The following ABCA3 variants were observed in gnomAD, a reference collection of about 807,000 sequenced individuals.
The protein encoded by ABCA3 is phospholipid-transporting ATPase ABCA3.
Under a neutral mutation model 172.8 loss-of-function variants are expected in ABCA3, and 88 were observed. The ratio of observed to expected loss-of-function variants is 0.51; its 90% CI spans 0.43 to 0.61. The LOEUF is 0.61. Ranked by LOEUF, ABCA3 falls within the 20% of genes least tolerant of loss-of-function variation. ABCA3 has a pLI of 0.00. For synonymous variants in ABCA3, 1,066 were observed against 983.8 expected (o/e 1.08, Z -1.56); for missense variants, 2,164 against 2,301.0 (o/e 0.94, Z 1.22).
At position 2,283,603 on chromosome 16, in the gene ABCA3, C is replaced by T. The variant is rs1164805650; in HGVS notation, c.3863-245G>A. ...CATGGCAGACCCAGGGCAGCAACAGCCCGCCTGAGAGGCACAGGCTCTGCG... is the reference window on the plus strand; with the variant it reads ...CATGGCAGACCCAGGGCAGCAACAGTCCGCCTGAGAGGCACAGGCTCTGCG... On this transcript the variant is annotated intron_variant, in intron 25 of 32. Coordinates refer to ENST00000301732, the MANE Select transcript of ABCA3 (RefSeq NM_001089.3). This position sits in a 1 kb window ranked among gnomAD's most constrained non-coding sequence, Gnocchi z 5.4. The T allele has an allele frequency of 5.8e-6, 3 of 514,146 alleles. No individual in the cohort carries two copies. In the Admixed American group the frequency reaches 9.7e-5, roughly 17 times the overall value. 31.8% of individuals were successfully genotyped at this position (514,146 alleles called of 1,614,324 possible).
rs1031078884 is a variant in ABCA3, at chr16:2,278,403, C to T, written c.4603G>A (p.Val1535Ile). Reference sequence around the variant, plus strand: ...GTGGACGGCTCGTCCAGGAAGATGACAGCAGGCTCTCCGATCAGGGCGATG... The same window carrying T: ...GTGGACGGCTCGTCCAGGAAGATGATAGCAGGCTCTCCGATCAGGGCGATG... ...TGIALIGEPA[V>I]IFLDEPSTGM... The change falls in exon 30 of 33, where the codon GTC (valine) becomes ATC (isoleucine). Residue 1535 changes from valine to isoleucine, a missense_variant. Coordinates refer to ENST00000301732, the MANE Select transcript of ABCA3 (RefSeq NM_001089.3). The surrounding 1 kb of genome is among the most constrained non-coding windows in gnomAD (Gnocchi z 4.4). 6.2e-7 allele frequency: 1 copy of T among 1,612,836 alleles called. No individual in the cohort carries two copies. Among genetic ancestry groups the T allele is most frequent in the Non-Finnish European group, 8.5e-7 (1 of 1,179,984 alleles).
intron 10 of ABCA3, among the ~76,000 whole-genome samples, chr16:2,315,792 TA>T (rs1399075207): frequency 6.6e-6 from 1 of 151,088 alleles, no homozygotes; most frequent in African/African-American, 2.4e-5. Context: ...GCCTCCCAAG[TA>T]GCTAGGACCA....
Position 2,297,838 on chromosome 16 carries a change from T to C in ABCA3, c.1980A>G (p.Ser660=). ...TGCCCCCGCTCAGGAAGCGGCTCCG[T>C]GAGTTCCACTTGTCCTCCAGGCCGA... ...HIIGLEDKWN[S]RSRFLSGGMR... The change falls in exon 16 of 33, where the codon TCA becomes TCG. Residue 660 remains serine, a synonymous_variant. Transcript: ENST00000301732. This position sits in a 1 kb window ranked among gnomAD's most constrained non-coding sequence, Gnocchi z 5.6. The C allele has an allele frequency of 6.2e-7, 1 of 1,613,776 alleles. No homozygotes were observed.
chr16:2,291,278 A>G (rs1416950952), intron 19 of ABCA3, among the ~76,000 whole-genome samples: 1 of 152,002 alleles, frequency 6.6e-6, no homozygotes, highest in Non-Finnish European at 1.5e-5. Context: ...GTGAGCTGAG[A>G]TTGCACCACT....
In ABCA3 at chr16:2,317,375, C is replaced by T. The variant is rs775752104; in HGVS notation, c.1019G>A (p.Arg340His). ...KVKPNVAVLS[R>H]SDPSLVLAFL... is the part of the protein sequence containing the mutation. ...GGCGAGCACCAGGGAGGGGTCGCTG[C>T]GGGACAGCACGGCTACATTTGGCTT... Residue 340 changes from arginine to histidine, a missense_variant, in exon 10 of 33, where the codon CGC becomes CAC. Physicochemically the swap from Arg to His is conservative, Grantham distance 29. Coordinates refer to ENST00000301732, the MANE Select transcript of ABCA3 (RefSeq NM_001089.3). 9.1e-5 allele frequency: 147 copies of T among 1,613,800 alleles called. 1 individual carries two copies. In the South Asian group the frequency reaches 1.3e-3, roughly 15 times the overall value.
intron 1 of ABCA3, among the ~76,000 whole-genome samples, chr16:2,336,400 T>C (rs1265632043): frequency 6.6e-6 from 1 of 152,058 alleles, no homozygotes; most frequent in Non-Finnish European, 1.5e-5. Context: ...GTGTAAATGC[T>C]GTTAATAACT....
chr16:2,306,642 G>T (rs933798043), intron 11 of ABCA3, among the ~76,000 whole-genome samples: 3 of 152,186 alleles, frequency 2.0e-5, no homozygotes, highest in Admixed American at 2.0e-4. Context: ...GACCAGGTTT[G>T]GTGCCCACAG....
Position 2,287,023 on chromosome 16 carries a change from C to T in ABCA3, c.3005-56G>A, listed in dbSNP as rs45442498. On this transcript the variant is annotated intron_variant, in intron 21 of 32. Coordinates refer to ENST00000301732, the MANE Select transcript of ABCA3 (RefSeq NM_001089.3). This position sits in a 1 kb window ranked among gnomAD's most constrained non-coding sequence, Gnocchi z 4.1. ...AGGAAGAGGTGACACCTGGGCACCC[C>T]CTGCCACCTGAGCATGGCTAATCAG... The T allele has an allele frequency of 0.012, 19,198 of 1,576,854 alleles. 166 individuals are homozygous for T. Among genetic ancestry groups the T allele is most frequent in the Middle Eastern group, 0.021 (122 of 5,766 alleles).
At chr16:2,301,135 G>A (rs1468060347) in intron 12 of ABCA3, among the ~76,000 whole-genome samples, 1 of 150,890 alleles carries the variant, frequency 6.6e-6, no homozygotes, top group Non-Finnish European at 1.5e-5. Flanking sequence ...GGAGGCTGAG[G>A]CAGGAGAATG....
At chr16:2,312,549 A>G (rs1371270401) in intron 10 of ABCA3, among the ~76,000 whole-genome samples, 2 of 138,722 alleles carry the variant, frequency 1.4e-5, no homozygotes, top group Non-Finnish European at 3.1e-5. Context: ...TTTTTTTGAG[A>G]TGAAGTTTCA....
intron 1 of ABCA3, among the ~76,000 whole-genome samples, chr16:2,336,628 C>T (rs190693533): frequency 0.012 from 1,421 of 121,598 alleles, 25 homozygotes; most frequent in African/African-American, 0.041. Flanking sequence ...TTTGTAGAGA[C>T]GGGGTTTCAC....
intron 5 of ABCA3, among the ~76,000 whole-genome samples, chr16:2,324,983 C>G (rs934045524): frequency 6.6e-6 from 1 of 152,140 alleles, no homozygotes; most frequent in Non-Finnish European, 1.5e-5. Context: ...GTTTTACTGT[C>G]GTCATTTTGT....
chr16:2,331,441 C>G (rs1428243515), intron 1 of ABCA3, among the ~76,000 whole-genome samples: 2 of 152,170 alleles, frequency 1.3e-5, no homozygotes, highest in Non-Finnish European at 2.9e-5. Flanking sequence ...TCAAGTGATC[C>G]GCCCGCCTCG....
intron 17 of ABCA3, among the ~76,000 whole-genome samples, chr16:2,296,323 T>A (rs371840633): frequency 9.2e-5 from 14 of 152,158 alleles, no homozygotes; most frequent in African/African-American, 3.1e-4. Context: ...TTCTCCCTCC[T>A]TGGTTCAAGT....
intron 1 of ABCA3, among the ~76,000 whole-genome samples, chr16:2,333,512 C>T (rs1437143410): frequency 6.6e-6 from 1 of 152,156 alleles, no homozygotes; most frequent in Admixed American, 6.6e-5. Flanking sequence ...CATCAAAGAT[C>T]CGCGTGTATG....
Position 2,326,595 on chromosome 16 carries a change from C to T in ABCA3, c.-26-103G>A, listed in dbSNP as rs1299471047. ...ACCCTTTTTCCTCCATGTCTCTCAC[C>T]TTCTTTTGTGCCACTTTAACTCCAA... On this transcript the variant is annotated intron_variant, in intron 3 of 32. Transcript: ENST00000301732. The T allele has an allele frequency of 2.3e-6, 3 of 1,280,926 alleles. No individual in the cohort carries two copies. In the African/African-American group the frequency reaches 4.4e-5, roughly 19 times the overall value. 79.3% of individuals were successfully genotyped at this position (1,280,926 alleles called of 1,614,324 possible).
chr16:2,300,223 T>G (rs1331927407), intron 12 of ABCA3, 75 bp from the exon 13 acceptor site: 13 of 1,594,116 alleles, frequency 8.2e-6, no homozygotes, highest in Non-Finnish European at 1.1e-5. Context: ...ACACACTAGA[T>G]GCACACAGCC....
At chr16:2,300,819 C>T (rs756129680) in intron 12 of ABCA3, among the ~76,000 whole-genome samples, 49 of 152,326 alleles carry the variant, frequency 3.2e-4, no homozygotes, top group Non-Finnish European at 5.6e-4. Context: ...GGCGGGGACT[C>T]GTTTACCCGC....
chr16:2,330,935 T>C (rs1196286482), intron 1 of ABCA3, among the ~76,000 whole-genome samples: 1 of 152,044 alleles, frequency 6.6e-6, no homozygotes, highest in African/African-American at 2.4e-5. Flanking sequence ...TCTCCTGACC[T>C]GGAACATCAC....
Sources: allele counts gnomAD v4.1 joint callset (sites outside exome capture counted in the v4.1 genomes callset), GRCh38; gene constraint gnomAD v4.1.1; non-coding constraint Gnocchi (gnomAD v3.1); transcripts MANE v1.5; gene names NCBI Gene and HGNC (gene_info 2026-07-23, HGNC 2026-07-21).